Variants in OSBP2 observed in about 807,000 individuals in gnomAD.
The protein encoded by OSBP2 is oxysterol-binding protein 2.
Under a neutral mutation model 96.0 loss-of-function variants are expected in OSBP2, and 66 were observed. The observed-to-expected ratio is 0.69, with a 90% CI of 0.56 to 0.84. The LOEUF is 0.84. Among genes scored for constraint, OSBP2 ranks in the 40% least tolerant of loss-of-function variants. The pLI is 0.00. For synonymous variants in OSBP2, 525 were observed against 520.9 expected (o/e 1.01, Z -0.11); for missense variants, 1,038 against 1,222.7 (o/e 0.85, Z 2.25).
intron 2 of OSBP2, among the ~76,000 whole-genome samples, chr22:30,780,093 CA>C (rs1310855385): frequency 6.6e-6 from 1 of 152,212 alleles, no homozygotes; most frequent in African/African-American, 2.4e-5. Flanking sequence ...ATCAAGATGC[CA>C]GAACTGAAGG....
At chr22:30,721,352 C>T (rs1447979484) in intron 1 of OSBP2, among the ~76,000 whole-genome samples, 1 of 152,216 alleles carries the variant, frequency 6.6e-6, no homozygotes, top group Non-Finnish European at 1.5e-5. Context: ...GCCCAGAAGA[C>T]TAGCTGCCCC....
intron 1 of OSBP2, among the ~76,000 whole-genome samples, chr22:30,717,090 T>TGTGTGTGTG (rs1555907469): frequency 1.1e-4 from 13 of 118,412 alleles, no homozygotes; most frequent in African/African-American, 3.2e-4. Context: ...TTTACTGTTT[T>TGTGTGTGTG]TGTGTGTGTG....
intron 12 of OSBP2, chr22:30,902,453 G>T: frequency 6.3e-7 from 1 of 1,585,816 alleles, no homozygotes; most frequent in Non-Finnish European, 8.6e-7. Context: ...GCAGAAGGCA[G>T]AAAACAAGAT....
intron 2 of OSBP2, among the ~76,000 whole-genome samples, chr22:30,867,221 CCACCAG>C (rs2039357888): frequency 6.6e-6 from 1 of 152,198 alleles, no homozygotes; most frequent in African/African-American, 2.4e-5. Context: ...ATTCCACCTG[CCACCAG>C]TCTTGTCTTT....
intron 2 of OSBP2, among the ~76,000 whole-genome samples, chr22:30,819,607 A>G (rs1026217232): frequency 2.0e-5 from 3 of 152,258 alleles, no homozygotes; most frequent in Admixed American, 1.3e-4. Flanking sequence ...TAAGTATTTC[A>G]CATGAGCAGA....
rs574628948 is a variant in OSBP2, at chr22:30,811,168, C to A, written c.854-59261C>A. On this transcript the variant is annotated intron_variant, in intron 2 of 13. Transcript: ENST00000332585. ...AAAGCCATATAAGTATACACAACCCCCCCCCCACACATACATATATAAAAA... is the reference window on the plus strand; with the variant it reads ...AAAGCCATATAAGTATACACAACCCACCCCCCACACATACATATATAAAAA... Among the ~76,000 whole-genome samples the A allele has an allele frequency of 3.4e-3, 497 of 147,348 alleles. 2 individuals are homozygous for A. Among genetic ancestry groups the A allele is most frequent in the African/African-American group, 0.011 (442 of 40,338 alleles).
At chr22:30,811,285 T>C (rs962750518) in intron 2 of OSBP2, among the ~76,000 whole-genome samples, 1 of 151,418 alleles carries the variant, frequency 6.6e-6, no homozygotes, top group Non-Finnish European at 1.5e-5. Flanking sequence ...AATACATCTC[T>C]TTTATTTCTT....
chr22:30,813,960 G>A (rs926576791), intron 2 of OSBP2, among the ~76,000 whole-genome samples: 6 of 151,786 alleles, frequency 4.0e-5, no homozygotes, highest in Non-Finnish European at 8.8e-5. Flanking sequence ...ATGCCATCAC[G>A]TCCAGCAAAT....
At chr22:30,848,920 G>A (rs958794803) in intron 2 of OSBP2, among the ~76,000 whole-genome samples, 6 of 152,032 alleles carry the variant, frequency 3.9e-5, no homozygotes, top group African/African-American at 1.4e-4. Flanking sequence ...TTTCTCTTAG[G>A]TATATCTAGA....
intron 1 of OSBP2, among the ~76,000 whole-genome samples, chr22:30,737,363 A>G (rs1328128973): frequency 7.9e-6 from 1 of 126,274 alleles, no homozygotes; most frequent in Non-Finnish European, 1.6e-5. Context: ...TCACTCTGTC[A>G]CTCAGGCTGG....
intron 2 of OSBP2, among the ~76,000 whole-genome samples, chr22:30,755,983 T>G (rs1173060113): frequency 6.6e-6 from 1 of 152,156 alleles, no homozygotes; most frequent in East Asian, 1.9e-4. Flanking sequence ...TGCCTTAACG[T>G]GGAGCACCAG....
chr22:30,895,273 A>G (rs570428429), intron 12 of OSBP2, among the ~76,000 whole-genome samples: 4 of 152,284 alleles, frequency 2.6e-5, no homozygotes, highest in African/African-American at 9.6e-5. Flanking sequence ...AGAAGAAGAA[A>G]AAAAACAAAG....
intron 2 of OSBP2, among the ~76,000 whole-genome samples, chr22:30,811,855 T>C (rs559339998): frequency 1.3e-5 from 2 of 150,434 alleles, no homozygotes; most frequent in South Asian, 2.1e-4. Flanking sequence ...GCGCCCGGCC[T>C]ATTTTTTTTT....
At position 30,730,725 on chromosome 22, in the gene OSBP2, T is replaced by TCTCTCTCC. The variant is rs1271442279; in HGVS notation, c.645-10429_645-10428insCCTCTCTC. On this transcript the variant is annotated intron_variant, in intron 1 of 13. Transcript: ENST00000332585. Reference sequence around the variant, plus strand: ...TCAGATTCGCTGCCCTGTCTCTCTCTCTCTCTCTCTCTCTCTCTCTCTCTC... The same window carrying TCTCTCTCC: ...TCAGATTCGCTGCCCTGTCTCTCTCTCTCTCTCCCTCTCTCTCTCTCTCTCTCTCTCTC... 3.4e-3 allele frequency among the ~76,000 whole-genome samples: 57 copies of TCTCTCTCC among 16,688 alleles called. 3 individuals carry two copies. The highest frequency in any genetic ancestry group is 5.4e-3 in the Non-Finnish European group (47 of 8,660). The allele number at this position is 16,688 out of a possible 152,430, so 10.9% of individuals were successfully genotyped here. A position where few individuals can be genotyped will look rare whatever the true frequency, so the allele number is the denominator to read the frequency against.
At chr22:30,892,998 G>T in intron 8 of OSBP2, 124 bp from the exon 9 acceptor site, 2 of 1,283,814 alleles carry the variant, frequency 1.6e-6, no homozygotes, top group Non-Finnish European at 2.2e-6. Context: ...GAACAGCCAG[G>T]ACTGCTCCTA....
intron 2 of OSBP2, among the ~76,000 whole-genome samples, chr22:30,846,501 T>A (rs1412553169): frequency 6.6e-6 from 1 of 152,054 alleles, no homozygotes; most frequent in Non-Finnish European, 1.5e-5. Flanking sequence ...TTTTCCCACA[T>A]CCTTACCAAT....
chr22:30,842,491 T>C (rs1602344046), intron 2 of OSBP2, among the ~76,000 whole-genome samples: 2 of 152,224 alleles, frequency 1.3e-5, no homozygotes, highest in Middle Eastern at 3.4e-3. Context: ...GCCACATCAG[T>C]CAACTCTCCC....
chr22:30,793,269 A>G (rs1044576844), intron 2 of OSBP2, among the ~76,000 whole-genome samples: 1 of 152,072 alleles, frequency 6.6e-6, no homozygotes, highest in Non-Finnish European at 1.5e-5. Context: ...AGGTGCCTGT[A>G]ATCCCAGCTA....
chr22:30,840,125 G>A (rs1352452394), intron 2 of OSBP2, among the ~76,000 whole-genome samples: 1 of 147,700 alleles, frequency 6.8e-6, no homozygotes, highest in African/African-American at 2.5e-5. Context: ...CGAGTTAGTG[G>A]GTGCAGTGCA....
Sources: allele counts gnomAD v4.1 joint callset (sites outside exome capture counted in the v4.1 genomes callset), GRCh38; gene constraint gnomAD v4.1.1; transcripts MANE v1.5; gene names NCBI Gene and HGNC (gene_info 2026-07-23, HGNC 2026-07-21).